Variants in TEX15 observed in about 807,000 individuals in gnomAD.
TEX15 encodes the protein testis expressed 15, meiosis and synapsis associated.
A neutral mutation model predicts 237.3 loss-of-function variants in TEX15; 171 were observed. The observed-to-expected ratio is 0.72, with a 90% CI of 0.64 to 0.82. The LOEUF (loss-of-function observed/expected upper bound fraction) is 0.82. Among genes scored for constraint, TEX15 ranks in the 40% least tolerant of loss-of-function variants. TEX15 has a pLI of 0.00. For missense variants in TEX15, 3,750 were observed against 3,646.5 expected (o/e 1.03, Z -0.73); for synonymous variants, 1,338 against 1,269.8 (o/e 1.05, Z -1.14).
intron 2 of TEX15, among the ~76,000 whole-genome samples, chr8:30,892,399 G>A (rs73670552): frequency 6.6e-6 from 1 of 151,792 alleles, no homozygotes; most frequent in African/African-American, 2.4e-5. Context: ...ACATGCTTGA[G>A]CAAAACCAGA....
chr8:30,838,077 C>T lies in TEX15; in HGVS notation c.8223-16G>A. 6.4e-7 allele frequency: 1 copy of T among 1,558,320 alleles called. No individual in the cohort carries two copies. The highest frequency in any genetic ancestry group is 8.6e-7 in the Non-Finnish European group (1 of 1,159,578). On this transcript the variant is annotated splice_polypyrimidine_tract_variant and intron_variant, in intron 9 of 10. Coordinates refer to ENST00000643185, the MANE Select transcript of TEX15 (RefSeq NM_001350162.2). Reference sequence around the variant, plus strand: ...TCCTGTAGTCCTATTAGGTGCAACACATACATAAAAATGAATTTAAATATA... The same window carrying T: ...TCCTGTAGTCCTATTAGGTGCAACATATACATAAAAATGAATTTAAATATA...
intron 1 of TEX15, among the ~76,000 whole-genome samples, chr8:30,907,061 T>TCGGC (rs773987610): frequency 1.7e-3 from 254 of 152,332 alleles, no homozygotes; most frequent in African/African-American, 5.6e-3. Flanking sequence ...CATTCTAAAC[T>TCGGC]CAAAGAGTTT....
At chr8:30,905,797 G>A (rs1050080818) in intron 1 of TEX15, among the ~76,000 whole-genome samples, 6 of 149,986 alleles carry the variant, frequency 4.0e-5, no homozygotes, top group African/African-American at 1.2e-4. Context: ...CCAGCTGCTC[G>A]GGATGCTGAG....
chr8:30,851,475 C>CA (rs1244028045), intron 7 of TEX15, among the ~76,000 whole-genome samples: 9 of 151,424 alleles, frequency 5.9e-5, no homozygotes, highest in Non-Finnish European at 1.2e-4. Flanking sequence ...ACTAAAAATA[C>CA]AAAAAACTAG....
In TEX15 at chr8:30,847,154, A is replaced by G. The variant is rs376689250; in HGVS notation, c.3013T>C (p.Tyr1005His). 3.8e-5 allele frequency: 62 copies of G among 1,613,912 alleles called. No homozygotes were observed. In the South Asian group the frequency reaches 6.0e-4, roughly 16 times the overall value. Residue 1005 changes from tyrosine to histidine, a missense_variant, in exon 8 of 11, where the codon TAC becomes CAC. Physicochemically the swap from Tyr to His is moderately conservative, Grantham distance 83 (BLOSUM62 2). Coordinates refer to ENST00000643185, the MANE Select transcript of TEX15 (RefSeq NM_001350162.2). ...GAAGAACAAGTTTCTTTAAACTGGT[A>G]TATCTGGTGATCGTCATTATTTAGG... Reference protein sequence around the residue: ...LSLNNDDHQIYQFKETCSSES... With the variant: ...LSLNNDDHQIHQFKETCSSES...
chr8:30,886,836 G>A (rs1808657805), intron 3 of TEX15: 1 of 174,122 alleles, frequency 5.7e-6, no homozygotes, highest in Admixed American at 6.3e-5. Flanking sequence ...GAGATATGGA[G>A]GAAACAAAAA....
intron 6 of TEX15, 57 bp from the exon 7 acceptor site, chr8:30,858,887 C>A (rs563534549): frequency 1.2e-3 from 1,458 of 1,255,284 alleles, no homozygotes; most frequent in Non-Finnish European, 1.5e-3. Context: ...GTTGAATAAG[C>A]TCATATTTTT....
At chr8:30,901,138 AAAAC>A (rs1391760755) in intron 1 of TEX15, among the ~76,000 whole-genome samples, 2 of 152,230 alleles carry the variant, frequency 1.3e-5, no homozygotes, top group Non-Finnish European at 2.9e-5. Flanking sequence ...AGCCTGTCTC[AAAAC>A]AAACAAACAA....
rs1466683642 is a variant in TEX15, at chr8:30,844,640, T to C, written c.5527A>G (p.Ile1843Val). 1 of 1,613,424 alleles carries C rather than the reference T, an allele frequency of 6.2e-7. No homozygotes were observed. Residue 1843 changes from isoleucine (I) to valine (V), a missense_variant, in exon 8 of 11, where the codon ATA becomes GTA. By Grantham distance (29) the Ile-to-Val change is conservative (BLOSUM62 3). Coordinates refer to ENST00000643185, the MANE Select transcript of TEX15 (RefSeq NM_001350162.2). ...CIVKKDTEDR[I>V]TWKVKQAEKA... ...TCCGCTTGTTTAACTTTCCACGTTA[T>C]TCTGTCCTCAGTGTCTTTCTTCACA... is the stretch of plus-strand genomic sequence containing the variant.
In TEX15 at chr8:30,844,650, A is replaced by C. The variant is rs1746167181; in HGVS notation, c.5517T>G (p.Thr1839=). The C allele has an allele frequency of 2.5e-6, 4 of 1,613,278 alleles. No individual in the cohort carries two copies. Among genetic ancestry groups the C allele is most frequent in the Non-Finnish European group, 2.5e-6 (3 of 1,179,626 alleles). ...TAACTTTCCACGTTATTCTGTCCTC[A>C]GTGTCTTTCTTCACAATACATGTTT... ...SSETCIVKKD[T]EDRITWKVKQ... Residue 1839 remains threonine (T), a synonymous_variant, in exon 8 of 11, where the codon ACT becomes ACG. Coordinates refer to ENST00000643185, the MANE Select transcript of TEX15 (RefSeq NM_001350162.2).
intron 3 of TEX15, 112 bp from the exon 4 acceptor site, chr8:30,875,214 TAAC>T (rs1383557036): frequency 6.2e-6 from 4 of 640,776 alleles, no homozygotes; most frequent in Non-Finnish European, 6.7e-6. Flanking sequence ...GAATTTTCAT[TAAC>T]AACATAAGGC....
At chr8:30,904,576 A>C (rs1008687302) in intron 1 of TEX15, among the ~76,000 whole-genome samples, 1 of 152,178 alleles carries the variant, frequency 6.6e-6, no homozygotes, top group Non-Finnish European at 1.5e-5. Context: ...GAAATTCATA[A>C]ATTTCTAACT....
At chr8:30,889,940 TATATATATA>T (rs1278623817) in intron 2 of TEX15, among the ~76,000 whole-genome samples, 1 of 129,922 alleles carries the variant, frequency 7.7e-6, no homozygotes, top group Non-Finnish European at 1.5e-5. Flanking sequence ...TATACATATA[TATATATATA>T]TATACATATA....
At chr8:30,849,898 C>T (rs1483976708) in intron 7 of TEX15, among the ~76,000 whole-genome samples, 7 of 151,920 alleles carry the variant, frequency 4.6e-5, no homozygotes, top group African/African-American at 7.3e-5. Context: ...GACTCCATCT[C>T]GGGGGCTGGG....
intron 1 of TEX15, among the ~76,000 whole-genome samples, chr8:30,909,470 TTG>T (rs1366909540): frequency 7.1e-6 from 1 of 141,668 alleles, no homozygotes; most frequent in Non-Finnish European, 1.5e-5. Context: ...CACAAAGGCT[TTG>T]CATTATGTGG....
intron 3 of TEX15, among the ~76,000 whole-genome samples, chr8:30,885,139 G>T (rs866850558): frequency 1.3e-5 from 2 of 151,864 alleles, no homozygotes; most frequent in African/African-American, 4.8e-5. Flanking sequence ...CTATCTTTGG[G>T]TTACTTATAT....
chr8:30,893,340 T>C (rs962815956), intron 2 of TEX15, among the ~76,000 whole-genome samples: 6 of 152,228 alleles, frequency 3.9e-5, no homozygotes, highest in Non-Finnish European at 5.9e-5. Flanking sequence ...TTTCTATATA[T>C]TGGCTACCCA....
intron 7 of TEX15, among the ~76,000 whole-genome samples, chr8:30,853,471 C>A (rs900938912): frequency 1.4e-4 from 22 of 152,016 alleles, no homozygotes; most frequent in Admixed American, 2.6e-4. Context: ...AACAAAATAA[C>A]AATATAACAA....
chr8:30,852,453 A>T (rs1194143407), intron 7 of TEX15, among the ~76,000 whole-genome samples: 1 of 152,120 alleles, frequency 6.6e-6, no homozygotes, highest in African/African-American at 2.4e-5. Context: ...ATTAAGAACA[A>T]TTTGCTCAGA....
Sources: gnomAD v4.1 joint callset for allele counts (sites outside exome capture counted in the v4.1 genomes callset) on GRCh38, gnomAD v4.1.1 for gene constraint, MANE v1.5 for transcripts, NCBI Gene and HGNC (gene_info 2026-07-23, HGNC 2026-07-21) for gene names.